Variants in PLA2G4A observed in about 807,000 individuals in gnomAD.
PLA2G4A encodes the protein phospholipase A2 group IVA.
A neutral mutation model predicts 81.9 loss-of-function variants in PLA2G4A; 40 were observed. That is an observed-to-expected ratio of 0.49 (90% CI 0.38 to 0.64). PLA2G4A has a LOEUF of 0.64. Among genes scored for constraint, PLA2G4A ranks in the 30% least tolerant of loss-of-function variants. The probability of loss-of-function intolerance (pLI) is 0.00; values close to 1 mark genes in which losing one functional copy is unlikely to be tolerated. For synonymous variants in PLA2G4A, 302 were observed against 296.9 expected, an observed-to-expected ratio of 1.02 and a Z score of -0.18; for missense variants, 715 against 905.1, an observed-to-expected ratio of 0.79 and a Z score of 2.69.
intron 3 of PLA2G4A, among the ~76,000 whole-genome samples, chr1:186,880,778 T>C (rs965683501): frequency 6.6e-6 from 1 of 152,004 alleles, no homozygotes; most frequent in African/African-American, 2.4e-5. Flanking sequence ...TCTAGAAAGA[T>C]TCCAAGAAAC....
At chr1:186,940,571 C>G (rs1056609147) in intron 10 of PLA2G4A, among the ~76,000 whole-genome samples, 1 of 152,172 alleles carries the variant, frequency 6.6e-6, no homozygotes, top group Non-Finnish European at 1.5e-5. Context: ...ACAGTGTTTG[C>G]AGGTAACCTA....
intron 7 of PLA2G4A, among the ~76,000 whole-genome samples, chr1:186,913,103 T>C (rs1655021424): frequency 6.6e-6 from 1 of 151,186 alleles, no homozygotes; most frequent in South Asian, 2.1e-4. Flanking sequence ...TATTTTGTAG[T>C]AGAGTTAAAC....
chr1:186,963,727 G>C (rs1406182704), intron 14 of PLA2G4A, among the ~76,000 whole-genome samples: 1 of 152,132 alleles, frequency 6.6e-6, no homozygotes, highest in East Asian at 1.9e-4. Context: ...CAGTATTTTA[G>C]AAATGGGAAT....
intron 3 of PLA2G4A, among the ~76,000 whole-genome samples, chr1:186,890,857 A>C (rs1350993017): frequency 6.6e-6 from 1 of 151,786 alleles, no homozygotes; most frequent in Non-Finnish European, 1.5e-5. Flanking sequence ...GTCTCAAAAA[A>C]AAAAAAAAAG....
chr1:186,851,133 T>C (rs1652358124), intron 1 of PLA2G4A, among the ~76,000 whole-genome samples: 1 of 152,032 alleles, frequency 6.6e-6, no homozygotes, highest in Non-Finnish European at 1.5e-5. Flanking sequence ...CTAGATCCCA[T>C]AACCAATGGT....
At chr1:186,961,404 A>C (rs1470400372) in intron 14 of PLA2G4A, among the ~76,000 whole-genome samples, 1 of 152,210 alleles carries the variant, frequency 6.6e-6, no homozygotes, top group Non-Finnish European at 1.5e-5. Context: ...GCTTGATTTG[A>C]TTGTTCCACA....
intron 9 of PLA2G4A, among the ~76,000 whole-genome samples, chr1:186,939,595 AG>A (rs1450880734): frequency 6.6e-6 from 1 of 152,138 alleles, no homozygotes; most frequent in East Asian, 1.9e-4. Flanking sequence ...TTGCCTGAAT[AG>A]AGTCAAGAAA....
At chr1:186,902,569 G>A (rs1030697382) in intron 5 of PLA2G4A, among the ~76,000 whole-genome samples, 10 of 151,832 alleles carry the variant, frequency 6.6e-5, no homozygotes, top group African/African-American at 1.9e-4. Context: ...TTAATTGCAC[G>A]TACACATCCA....
At chr1:186,911,570 C>A (rs1245103426) in intron 7 of PLA2G4A, among the ~76,000 whole-genome samples, 181 bp downstream of exon 7, 4 of 152,154 alleles carry the variant, frequency 2.6e-5, no homozygotes, top group South Asian at 4.2e-4. Context: ...ACAAATGGTG[C>A]CCTAGCTGGT....
intron 10 of PLA2G4A, among the ~76,000 whole-genome samples, chr1:186,945,000 G>T (rs1248971886): frequency 6.6e-6 from 1 of 152,030 alleles, no homozygotes; most frequent in Non-Finnish European, 1.5e-5. Flanking sequence ...ATTTTGTATT[G>T]TTGGATAAGA....
chr1:186,896,381 G>A (rs1654333972), intron 5 of PLA2G4A, among the ~76,000 whole-genome samples: 1 of 152,218 alleles, frequency 6.6e-6, no homozygotes. Context: ...AAGAAAGCAA[G>A]CTGGGGCATA....
At chr1:186,841,670 T>G (rs1217896095) in intron 1 of PLA2G4A, among the ~76,000 whole-genome samples, 3 of 152,130 alleles carry the variant, frequency 2.0e-5, no homozygotes, top group Non-Finnish European at 4.4e-5. Context: ...GAATGGCCAC[T>G]TGTTTTTGAC....
intron 1 of PLA2G4A, among the ~76,000 whole-genome samples, chr1:186,846,883 C>A (rs1229516591): frequency 6.6e-6 from 1 of 151,828 alleles, no homozygotes; most frequent in African/African-American, 2.4e-5. Context: ...AAACTCTATG[C>A]CTTAATTTAT....
chr1:186,947,766 G>A (rs2102235391), intron 12 of PLA2G4A, among the ~76,000 whole-genome samples: 1 of 152,278 alleles, frequency 6.6e-6, no homozygotes, highest in African/African-American at 2.4e-5. Flanking sequence ...AGGGACCTGG[G>A]AGAAGTGCCT....
chr1:186,955,342 T>C (rs1656707816), intron 13 of PLA2G4A, among the ~76,000 whole-genome samples: 1 of 152,190 alleles, frequency 6.6e-6, no homozygotes, highest in Non-Finnish European at 1.5e-5. Flanking sequence ...TCTCTCCTCA[T>C]TTTGCAGAAA....
chr1:186,926,994 T>G (rs553284967), intron 7 of PLA2G4A, among the ~76,000 whole-genome samples: 17 of 152,170 alleles, frequency 1.1e-4, no homozygotes, highest in Non-Finnish European at 2.1e-4. Context: ...ATAGTTAAGG[T>G]TTTTTAAAGC....
intron 1 of PLA2G4A, among the ~76,000 whole-genome samples, chr1:186,845,447 G>A (rs758921444): frequency 2.6e-5 from 4 of 152,114 alleles, no homozygotes; most frequent in African/African-American, 4.8e-5. Context: ...GTACAGACAA[G>A]GAAACTGAGG....
intron 1 of PLA2G4A, among the ~76,000 whole-genome samples, chr1:186,852,434 T>C (rs939339739): frequency 6.6e-6 from 1 of 152,078 alleles, no homozygotes; most frequent in Non-Finnish European, 1.5e-5. Flanking sequence ...TTCATGCTGC[T>C]ATAACAGAAT....
intron 3 of PLA2G4A, among the ~76,000 whole-genome samples, chr1:186,883,508 C>T (rs1008720894): frequency 2.0e-5 from 3 of 152,118 alleles, no homozygotes; most frequent in South Asian, 2.1e-4. Flanking sequence ...TAAATAACTG[C>T]GATCATTCCT....
Sources: allele counts gnomAD v4.1 joint callset (sites outside exome capture counted in the v4.1 genomes callset), GRCh38; gene constraint gnomAD v4.1.1; transcripts MANE v1.5; gene names NCBI Gene and HGNC (gene_info 2026-07-23, HGNC 2026-07-21).